METTL17: variants seen among roughly 807,000 people sequenced by gnomAD.
METTL17 encodes ribosome assembly protein METTL17, mitochondrial.
In METTL17, 49 loss-of-function variants were observed where a neutral mutation model predicts 59.4. The observed-to-expected ratio is 0.82, with a 90% confidence interval of 0.66 to 1.05. METTL17 has a LOEUF of 1.05. METTL17 is among the 50% of genes least tolerant of loss of function. The pLI, the probability that METTL17 is intolerant of heterozygous loss-of-function variation, is 0.00. For missense variants in METTL17, 555 were observed against 578.4 expected (o/e 0.96, Z 0.41); for synonymous variants, 208 against 209.2 (o/e 0.99, Z 0.05).
At chr14:20,994,958 C>T (rs988752890) in intron 9 of METTL17, 57 bp downstream of exon 9, 26 of 1,376,224 alleles carry the variant, frequency 1.9e-5, no homozygotes, top group Non-Finnish European at 2.7e-5. Flanking sequence ...GGATTTCATG[C>T]CTTTGCTCCT....
At chr14:20,996,098 C>T in intron 11 of METTL17, 111 bp from the exon 12 acceptor site, 3 of 1,278,368 alleles carry the variant, frequency 2.3e-6, no homozygotes, top group Non-Finnish European at 3.4e-6. Context: ...TTCCTACCCA[C>T]TGCTCCTGTC....
In METTL17 at chr14:20,990,252, GAGTGACCCAGGT is replaced by G. The variant is rs745631120; in HGVS notation, c.101_112del (p.Val34_Val37del). The G allele has an allele frequency of 1.9e-6, 3 of 1,614,220 alleles. No individual in the cohort carries two copies. The Admixed American group carries it at 5.0e-5, about 27-fold the overall frequency. On this transcript the variant is annotated inframe_deletion, in exon 2 of 14. Transcript: ENST00000339374. ...CAGGCGCTCGCCGCCTTAGTACCCG[GAGTGACCCAGGT>G]AGATAACAAGTCCGGTTTCCTGCAG...
Position 20,996,826 on chromosome 14 carries a change from T to C in METTL17, c.1307T>C (p.Leu436Pro). Reference protein sequence around the residue: ...RCARVSSWGDLLPVLTPSAFP... With the variant: ...RCARVSSWGDPLPVLTPSAFP... Reference sequence around the variant, plus strand: ...GCCCGTGTCAGCTCCTGGGGAGATCTTTTACCTGTGCTTACTCCGTCTGCG... The same window carrying C: ...GCCCGTGTCAGCTCCTGGGGAGATCCTTTACCTGTGCTTACTCCGTCTGCG... Residue 436 changes from leucine (L) to proline (P), a missense_variant, in exon 14 of 14, where the codon CTT (leucine) becomes CCT (proline). Leu to Pro is a moderately conservative substitution (Grantham distance 98, BLOSUM62 -3). Coordinates refer to ENST00000339374, the MANE Select transcript of METTL17 (RefSeq NM_022734.3). The C allele has an allele frequency of 6.2e-7, 1 of 1,614,088 alleles. No individual in the cohort carries two copies. The highest frequency in any genetic ancestry group is 8.5e-7 in the Non-Finnish European group (1 of 1,180,028).
intron 10 of METTL17, among the ~76,000 whole-genome samples, chr14:20,995,510 T>G (rs778388270): frequency 2.0e-5 from 3 of 152,202 alleles, no homozygotes; most frequent in South Asian, 4.1e-4. Flanking sequence ...GGGACAGAGA[T>G]AGATTTTGCC....
At chr14:20,992,015 G>T in intron 3 of METTL17, 109 bp from the exon 4 acceptor site, 1 of 987,564 alleles carries the variant, frequency 1.0e-6, no homozygotes, top group East Asian at 2.5e-5. Flanking sequence ...GAGCTTTAAG[G>T]CTTTTCTTAG....
intron 10 of METTL17, 29 bp from the exon 11 acceptor site, chr14:20,995,872 T>C (rs780712937): frequency 1.2e-6 from 2 of 1,608,036 alleles, no homozygotes; most frequent in African/African-American, 2.7e-5. Flanking sequence ...TTGGCCCAGC[T>C]TTATTTCTTT....
At chr14:20,991,989 G>A (rs899571116) in intron 3 of METTL17, 135 bp from the exon 4 acceptor site, 5 of 728,462 alleles carry the variant, frequency 6.9e-6, no homozygotes, top group Non-Finnish European at 1.2e-5. Context: ...TTTTCTCTAG[G>A]TTTGTCGTCT....
At chr14:20,993,884 G>T in intron 6 of METTL17, 85 bp from the exon 7 acceptor site, 1 of 820,192 alleles carries the variant, frequency 1.2e-6, no homozygotes, top group Non-Finnish European at 2.0e-6. Context: ...TTTTCCCAGG[G>T]GTGGGGTTGG....
chr14:20,996,921 C>G lies in METTL17; in HGVS notation c.*31C>G. 1.3e-6 allele frequency: 2 copies of G among 1,580,328 alleles called. No individual in the cohort carries two copies. The highest frequency in any genetic ancestry group is 1.1e-5 in the South Asian group (1 of 89,024). On this transcript the variant is annotated 3_prime_UTR_variant, in exon 14 of 14. Transcript: ENST00000339374. ...ATGTGTAACAAGTATTTTCTTCTAT[C>G]GTGCCTGCCAGGGCTGAAGCTGCCT... is the stretch of plus-strand genomic sequence containing the variant.
At chr14:20,996,454 G>A in intron 12 of METTL17, 73 bp from the exon 13 acceptor site, 1 of 1,538,648 alleles carries the variant, frequency 6.5e-7, no homozygotes, top group Non-Finnish European at 8.8e-7. Flanking sequence ...TGCAGGAATG[G>A]GGAAGAAGGG....
chr14:20,993,348 G>A (rs948942655), intron 6 of METTL17, 157 bp downstream of exon 6: 2 of 610,024 alleles, frequency 3.3e-6, no homozygotes, highest in Non-Finnish European at 5.8e-6. Context: ...GCAGAAGAAG[G>A]TATATGGATT....
chr14:20,991,081 G>T (rs1486508535), intron 3 of METTL17, among the ~76,000 whole-genome samples: 1 of 152,086 alleles, frequency 6.6e-6, no homozygotes, highest in Non-Finnish European at 1.5e-5. Context: ...GCCCACCTTG[G>T]CCTCCCAAAG....
Position 20,994,881 on chromosome 14 carries a change from C to G in METTL17, c.856C>G (p.Arg286Gly). The change falls in exon 9 of 14, where the codon CGT (arginine) becomes GGT (glycine). Residue 286 changes from arginine to glycine, a missense_variant. Coordinates refer to ENST00000339374, the MANE Select transcript of METTL17 (RefSeq NM_022734.3). ...CACTGAGGTAGTTCAAACCTTATGGCGTAAGACAGGTCATTTCCTGGTGAG... is the reference window on the plus strand; with the variant it reads ...CACTGAGGTAGTTCAAACCTTATGGGGTAAGACAGGTCATTTCCTGGTGAG... ...DRTEVVQTLW[R>G]KTGHFLVLVE... 1 of 1,613,670 alleles carries G rather than the reference C, an allele frequency of 6.2e-7. No individual in the cohort carries two copies. The highest frequency in any genetic ancestry group is 8.5e-7 in the Non-Finnish European group (1 of 1,179,718).
At position 20,990,338 on chromosome 14, in the gene METTL17, C is replaced by G; in HGVS notation, c.184C>G (p.Arg62Gly). 1 of 1,614,214 alleles carries G rather than the reference C, an allele frequency of 6.2e-7. No individual in the cohort carries two copies. ...HPGILKLPHV[R>G]LPQALANGAQ... ...TGGCATCCTAAAGCTGCCGCACGTG[C>G]GGCTGCCACAGGCACTGGCTAACGG... Residue 62 changes from arginine to glycine, a missense_variant, in exon 2 of 14, where the codon CGG becomes GGG. Physicochemically the swap from Arg to Gly is moderately radical, Grantham distance 125 (BLOSUM62 -2). Coordinates refer to ENST00000339374, the MANE Select transcript of METTL17 (RefSeq NM_022734.3).
In METTL17 at chr14:20,996,994, T is replaced by C; in HGVS notation, c.*104T>C. The C allele has an allele frequency of 8.5e-7, 1 of 1,175,932 alleles. No individual in the cohort carries two copies. The highest frequency in any genetic ancestry group is 2.6e-5 in the East Asian group (1 of 38,020). 72.8% of individuals were successfully genotyped at this position (1,175,932 alleles called of 1,614,324 possible). The stretch of plus-strand genomic sequence containing the variant: ...GTATCCCCATATGTCTGTGTTTGTT[T>C]GAGATTTTTAATAATAAATAATAAA... On this transcript the variant is annotated 3_prime_UTR_variant, in exon 14 of 14. Transcript: ENST00000339374.
chr14:20,990,040 G>A lies in METTL17; in HGVS notation c.38G>A (p.Arg13Lys). Residue 13 changes from arginine to lysine, a missense_variant, in exon 1 of 14, where the codon AGA becomes AAA. By Grantham distance (26) the Arg-to-Lys change is conservative. Coordinates refer to ENST00000339374, the MANE Select transcript of METTL17 (RefSeq NM_022734.3). ...AALKCLLTLG[R>K]WCPGLGVAPQ... is the part of the protein sequence containing the mutation. Reference sequence around the variant, plus strand: ...CTGAAGTGTCTACTGACATTAGGAAGATGGTGCCCCGGCCTTGGAGTGGCT... The same window carrying A: ...CTGAAGTGTCTACTGACATTAGGAAAATGGTGCCCCGGCCTTGGAGTGGCT... The A allele has an allele frequency of 6.2e-7, 1 of 1,613,216 alleles. No individual in the cohort carries two copies. Among genetic ancestry groups the A allele is most frequent in the Non-Finnish European group, 8.5e-7 (1 of 1,179,810 alleles).
intron 3 of METTL17, chr14:20,990,818 G>GTTTA: frequency 1.7e-6 from 1 of 593,496 alleles, no homozygotes; most frequent in South Asian, 2.2e-5. Flanking sequence ...TTTTTTGTTT[G>GTTTA]TTTGTTTGTT....
chr14:20,993,210 C>T lies in METTL17; in HGVS notation c.602+19C>T. On this transcript the variant is annotated intron_variant, in intron 6 of 13. Transcript: ENST00000339374. ...TCACCTGGTGAGTAACTTTCTTCAG[C>T]CCTATCTTGGTCAATTTTAGCTCTA... 1 of 1,610,650 alleles carries T rather than the reference C, an allele frequency of 6.2e-7. No individual in the cohort carries two copies. The highest frequency in any genetic ancestry group is 8.5e-7 in the Non-Finnish European group (1 of 1,176,876).
At chr14:20,991,959 C>T (rs1343344450) in intron 3 of METTL17, 165 bp from the exon 4 acceptor site, 2 of 620,832 alleles carry the variant, frequency 3.2e-6, no homozygotes, top group Non-Finnish European at 5.7e-6. Flanking sequence ...TAGTTGTTAC[C>T]GTTAATTCTT....
Sources: gnomAD v4.1 joint callset for allele counts (sites outside exome capture counted in the v4.1 genomes callset) on GRCh38, gnomAD v4.1.1 for gene constraint, MANE v1.5 for transcripts, NCBI Gene and HGNC (gene_info 2026-07-23, HGNC 2026-07-21) for gene names.